Variants in ACTR3 observed in about 807,000 individuals in gnomAD.
The protein encoded by ACTR3 is actin related protein 3.
Under a neutral mutation model 56.8 loss-of-function variants are expected in ACTR3, and 12 were observed. The ratio of observed to expected loss-of-function variants is 0.21; its 90% CI spans 0.14 to 0.34. ACTR3 has a LOEUF of 0.34. ACTR3 is among the 10% of genes least tolerant of loss of function. ACTR3 has a pLI of 1.00. For missense variants in ACTR3, 282 were observed against 512.5 expected (o/e 0.55, Z 4.34); for synonymous variants, 162 against 167.4 (o/e 0.97, Z 0.25).
At position 113,926,453 on chromosome 2, in the gene ACTR3, A is replaced by C. The variant is rs76604659; in HGVS notation, c.226-892A>C. Among the ~76,000 whole-genome samples the C allele has an allele frequency of 0.024, 3,681 of 152,246 alleles. 218 individuals are homozygous for C. In the East Asian group the frequency reaches 0.26, roughly 11 times the overall value. On this transcript the variant is annotated intron_variant, in intron 3 of 11. Transcript: ENST00000263238. ...TTCATTTTCTGTTGCTATAATGAATACTTGAGACTGAGTAATTTATAAAGA... is the reference window on the plus strand; with the variant it reads ...TTCATTTTCTGTTGCTATAATGAATCCTTGAGACTGAGTAATTTATAAAGA...
intron 7 of ACTR3, 98 bp from the exon 8 acceptor site, chr2:113,942,088 T>C (rs1202390254): frequency 4.1e-6 from 4 of 985,654 alleles, no homozygotes; most frequent in Non-Finnish European, 5.6e-6. Flanking sequence ...GAAGAGTTTT[T>C]TTTTTTTATT....
At position 113,958,435 on chromosome 2, in the gene ACTR3, T is replaced by A. The variant is rs1056772029; in HGVS notation, c.*980T>A. ...GTGCTTTCATTTTGATAACTGGATC[T>A]CCATTTGATATTTTCATTTGTATAA... On this transcript the variant is annotated 3_prime_UTR_variant, in exon 12 of 12. Coordinates refer to ENST00000263238, the MANE Select transcript of ACTR3 (RefSeq NM_005721.5). 8.5e-5 allele frequency: 13 copies of A among 152,678 alleles called. No homozygotes were observed. The highest frequency in any genetic ancestry group is 3.1e-4 in the African/African-American group (13 of 41,568). The allele number at this position is 152,678 out of a possible 1,614,324, so 9.5% of individuals were successfully genotyped here.
intron 8 of ACTR3, among the ~76,000 whole-genome samples, chr2:113,947,510 C>G (rs1480568363): frequency 6.6e-6 from 1 of 152,136 alleles, no homozygotes. Context: ...AAAAAATTAG[C>G]CAGGCATGTG....
chr2:113,954,063 T>C (rs1377642537), intron 10 of ACTR3: 1 of 152,192 alleles, frequency 6.6e-6, no homozygotes, highest in Non-Finnish European at 1.5e-5. Context: ...TGTTTAATAT[T>C]TCTGCTTGAG....
intron 8 of ACTR3, chr2:113,951,068 C>T (rs1680112397): frequency 6.3e-6 from 1 of 159,436 alleles, no homozygotes; most frequent in African/African-American, 2.4e-5. Flanking sequence ...CCAGGTCCCT[C>T]CCACAACACG....
At position 113,951,774 on chromosome 2, in the gene ACTR3, CAA is replaced by C; in HGVS notation, c.1008_1009del (p.Asp338PhefsTer13). ...TMFRDFGRRL[Q>X]RDLKRTVDAR... Reference sequence around the variant, plus strand: ...GTTCAGGGACTTTGGACGTCGCTTGCAAAGAGATTTGAAAAGAACTGTAGATG... The same window carrying C: ...GTTCAGGGACTTTGGACGTCGCTTGCAGAGATTTGAAAAGAACTGTAGATG... On this transcript the variant is annotated frameshift_variant, in exon 10 of 12. Coordinates refer to ENST00000263238, the MANE Select transcript of ACTR3 (RefSeq NM_005721.5). LOFTEE classifies it high-confidence loss of function. The C allele has an allele frequency of 6.2e-7, 1 of 1,613,598 alleles. No homozygotes were observed. Among genetic ancestry groups the C allele is most frequent in the Non-Finnish European group, 8.5e-7 (1 of 1,179,626 alleles).
intron 3 of ACTR3, among the ~76,000 whole-genome samples, chr2:113,923,937 C>T (rs1679568542): frequency 6.6e-6 from 1 of 152,056 alleles, no homozygotes; most frequent in African/African-American, 2.4e-5. Context: ...ATTATATATA[C>T]TCCACTCTTG....
intron 3 of ACTR3, among the ~76,000 whole-genome samples, chr2:113,918,815 T>C (rs35363095): frequency 0.074 from 11,193 of 152,204 alleles, 461 homozygotes; most frequent in African/African-American, 0.1. Flanking sequence ...ACATAGACAA[T>C]GAAGAGAAAT....
intron 6 of ACTR3, 161 bp downstream of exon 6, chr2:113,934,547 A>G (rs979441200): frequency 2.2e-6 from 1 of 448,088 alleles, no homozygotes; most frequent in Non-Finnish European, 3.9e-6. Flanking sequence ...TAAAACTTTT[A>G]TAAACAATTC....
chr2:113,908,532 T>G (rs1357071937), intron 1 of ACTR3, among the ~76,000 whole-genome samples: 1 of 151,822 alleles, frequency 6.6e-6, no homozygotes, highest in Non-Finnish European at 1.5e-5. Context: ...CCTCTTCCTC[T>G]CCTTAAATGT....
chr2:113,905,408 T>G (rs1679174156), intron 1 of ACTR3: 1 of 150,836 alleles, frequency 6.6e-6, no homozygotes. Context: ...GAGGTTGCAG[T>G]GAGCCGAGAT....
chr2:113,951,594 T>C lies in ACTR3; in HGVS notation c.951+23T>C, dbSNP rs113668583. The C allele has an allele frequency of 2.3e-3, 3,577 of 1,589,704 alleles. 79 individuals are homozygous for C. The African/African-American group carries it at 0.043, about 19-fold the overall frequency. ...AAGGTATTTATAGCAAAATTGTTAT[T>C]CAAGGTCTTACTTTAAAAAAACTTA... On this transcript the variant is annotated intron_variant, in intron 9 of 11. Coordinates refer to ENST00000263238, the MANE Select transcript of ACTR3 (RefSeq NM_005721.5).
chr2:113,909,860 A>G (rs1417256469), intron 1 of ACTR3, among the ~76,000 whole-genome samples: 1 of 152,226 alleles, frequency 6.6e-6, no homozygotes, highest in African/African-American at 2.4e-5. Flanking sequence ...CTTTAGGAAC[A>G]ATTTTACAAT....
rs1369218149 is a variant in ACTR3, at chr2:113,959,108, A to ACAGTACC, written c.*1654_*1660dup. 2 of 152,010 alleles carry ACAGTACC rather than the reference A, an allele frequency of 1.3e-5. No individual in the cohort carries two copies. The highest frequency in any genetic ancestry group is 2.9e-5 in the Non-Finnish European group (2 of 67,894). The allele number at this position is 152,010 out of a possible 1,614,324, so 9.4% of individuals were successfully genotyped here. On this transcript the variant is annotated 3_prime_UTR_variant, in exon 12 of 12. Coordinates refer to ENST00000263238, the MANE Select transcript of ACTR3 (RefSeq NM_005721.5). The stretch of plus-strand genomic sequence containing the variant: ...CAAACATTATAAAAATACTATTCAA[A>ACAGTACC]CAGTACCAAAGAGTAGATTAGCAAA...
At position 113,961,187 on chromosome 2, in the gene ACTR3, T is replaced by C. The variant is rs1428011690; in HGVS notation, c.*3732T>C. On this transcript the variant is annotated 3_prime_UTR_variant, in exon 12 of 12. Transcript: ENST00000263238. ...TTGTTTTCTATGATATGAGAACTTT[T>C]ATTATAATTTGCCTCAGTCTTGATA... 6.6e-6 allele frequency: 1 copy of C among 152,038 alleles called. No individual in the cohort carries two copies. The highest frequency in any genetic ancestry group is 1.5e-5 in the Non-Finnish European group (1 of 67,930). The allele number at this position is 152,038 out of a possible 1,614,324, so 9.4% of individuals were successfully genotyped here.
intron 1 of ACTR3, among the ~76,000 whole-genome samples, chr2:113,895,238 A>T (rs1248897550): frequency 1.1e-4 from 17 of 152,170 alleles, no homozygotes; most frequent in Admixed American, 1.1e-3. Flanking sequence ...ATATTATCTC[A>T]TTAACTTTCA....
rs2104596470 is a variant in ACTR3 at position 113,916,978 on chromosome 2, A to T, written c.195A>T (p.Glu65Asp). Residue 65 changes from glutamate (E) to aspartate (D), a missense_variant, in exon 3 of 12, where the codon GAA (glutamate) becomes GAT (aspartate). Glu to Asp is a conservative substitution (Grantham distance 45, BLOSUM62 2). Coordinates refer to ENST00000263238, the MANE Select transcript of ACTR3 (RefSeq NM_005721.5). ...VDDLDFFIGDEAIEKPTYATK... is the reference protein window; with the variant it reads ...VDDLDFFIGDDAIEKPTYATK... ...ACCTAGACTTCTTCATTGGTGATGA[A>T]GCAATAGAAAAACCTACATATGCAA... 1 of 1,608,064 alleles carries T rather than the reference A, an allele frequency of 6.2e-7. No homozygotes were observed. Among genetic ancestry groups the T allele is most frequent in the East Asian group, 2.2e-5 (1 of 44,704 alleles).
At chr2:113,899,879 G>A (rs998761069) in intron 1 of ACTR3, among the ~76,000 whole-genome samples, 1 of 152,192 alleles carries the variant, frequency 6.6e-6, no homozygotes, top group Non-Finnish European at 1.5e-5. Context: ...CTGGAATTCA[G>A]ATATTTCTGT....
intron 3 of ACTR3, among the ~76,000 whole-genome samples, chr2:113,922,158 G>A (rs1217016327): frequency 6.6e-6 from 1 of 152,154 alleles, no homozygotes; most frequent in Non-Finnish European, 1.5e-5. Context: ...AACAGTAAGA[G>A]TACTGTTCAT....
Sources: gnomAD v4.1 joint callset for allele counts (sites outside exome capture counted in the v4.1 genomes callset) on GRCh38, gnomAD v4.1.1 for gene constraint, MANE v1.5 for transcripts, NCBI Gene and HGNC (gene_info 2026-07-23, HGNC 2026-07-21) for gene names.